Variants in CA10 observed in about 807,000 individuals in gnomAD.
The protein encoded by CA10 is carbonic anhydrase-related protein 10.
In CA10, 14 loss-of-function variants were observed where a neutral mutation model predicts 44.2. That is an observed-to-expected ratio of 0.32 (90% CI 0.21 to 0.50). CA10 has a LOEUF of 0.50. CA10 is among the 20% of genes least tolerant of loss of function. CA10 has a pLI of 0.99. For synonymous variants in CA10, 159 were observed against 141.6 expected (o/e 1.12, Z -0.87); for missense variants, 350 against 409.7 (o/e 0.85, Z 1.26).
chr17:51,972,184 G>A (rs1012296751), intron 2 of CA10, among the ~76,000 whole-genome samples: 2 of 152,070 alleles, frequency 1.3e-5, no homozygotes, highest in South Asian at 2.1e-4. Context: ...GAAGAAATGT[G>A]AGATTACTCA....
chr17:52,107,723 A>G (rs1179125004), intron 1 of CA10, among the ~76,000 whole-genome samples: 1 of 152,226 alleles, frequency 6.6e-6, no homozygotes, highest in African/African-American at 2.4e-5. Context: ...ACTTCCCTCC[A>G]CAAAGCAGAT....
intron 4 of CA10, among the ~76,000 whole-genome samples, chr17:51,696,170 T>C (rs139988603): frequency 1.3e-5 from 2 of 152,326 alleles, no homozygotes; most frequent in East Asian, 3.9e-4. Flanking sequence ...GTCAGGGTGA[T>C]GCTGGCTTTG....
At chr17:52,064,440 G>A (rs1203079572) in intron 2 of CA10, among the ~76,000 whole-genome samples, 1 of 152,160 alleles carries the variant, frequency 6.6e-6, no homozygotes, top group African/African-American at 2.4e-5. Context: ...AAGGAATGAA[G>A]AGCATGCACA....
intron 3 of CA10, among the ~76,000 whole-genome samples, chr17:51,816,068 C>T (rs943039134): frequency 6.6e-6 from 1 of 152,112 alleles, no homozygotes; most frequent in Admixed American, 6.6e-5. Context: ...CCACCTCCCC[C>T]CGGCCCCCTG....
intron 1 of CA10, among the ~76,000 whole-genome samples, chr17:52,086,679 TA>T (rs1988125146): frequency 6.6e-6 from 1 of 152,304 alleles, no homozygotes; most frequent in Non-Finnish European, 1.5e-5. Flanking sequence ...TCCACTCCCT[TA>T]AAATGGACCA....
chr17:52,105,348 G>A (rs887347711), intron 1 of CA10, among the ~76,000 whole-genome samples: 8 of 151,688 alleles, frequency 5.3e-5, no homozygotes, highest in African/African-American at 1.2e-4. Context: ...TCCGCCTCCC[G>A]GGTTCACACA....
intron 1 of CA10, among the ~76,000 whole-genome samples, chr17:52,141,054 A>G (rs542349100): frequency 6.6e-6 from 1 of 152,224 alleles, no homozygotes; most frequent in East Asian, 1.9e-4. Flanking sequence ...CATTCCCCAA[A>G]GAGAAGGGTT....
intron 1 of CA10, among the ~76,000 whole-genome samples, chr17:52,117,565 T>C (rs1567738811): frequency 6.6e-6 from 1 of 152,234 alleles, no homozygotes; most frequent in Non-Finnish European, 1.5e-5. Context: ...GTGTGTGATG[T>C]CTATAAAAAA....
At chr17:52,092,065 CT>C (rs1988281163) in intron 1 of CA10, among the ~76,000 whole-genome samples, 2 of 152,256 alleles carry the variant, frequency 1.3e-5, no homozygotes, top group Admixed American at 1.3e-4. Context: ...TTCTCTTTCT[CT>C]TTCTCCGCCT....
chr17:51,694,660 C>A (rs188766920), intron 4 of CA10, among the ~76,000 whole-genome samples: 1 of 152,066 alleles, frequency 6.6e-6, no homozygotes, highest in Admixed American at 6.6e-5. Flanking sequence ...TAGTTTAATT[C>A]GGTCCCACTT....
At chr17:51,788,981 G>A (rs1360790964) in intron 3 of CA10, among the ~76,000 whole-genome samples, 1 of 152,108 alleles carries the variant, frequency 6.6e-6, no homozygotes, top group Admixed American at 6.6e-5. Flanking sequence ...TATAGTGTTT[G>A]TCATACAATT....
At chr17:51,694,172 C>T (rs1468314675) in intron 4 of CA10, among the ~76,000 whole-genome samples, 1 of 151,768 alleles carries the variant, frequency 6.6e-6, no homozygotes, top group Admixed American at 6.6e-5. Flanking sequence ...CCATTGCACT[C>T]CAGCCTGGGC....
At chr17:51,951,351 AGCAAAGCCTTG>A (rs1983474320) in intron 2 of CA10, among the ~76,000 whole-genome samples, 1 of 152,156 alleles carries the variant, frequency 6.6e-6, no homozygotes, top group Non-Finnish European at 1.5e-5. Context: ...TGCCCAAGGA[AGCAAAGCCTTG>A]GCTCACTCAC....
At chr17:51,687,099 C>T (rs1471924750) in intron 4 of CA10, among the ~76,000 whole-genome samples, 1 of 152,182 alleles carries the variant, frequency 6.6e-6, no homozygotes, top group Non-Finnish European at 1.5e-5. Flanking sequence ...AGCTCATTGT[C>T]CTGACTTTTG....
chr17:52,077,817 T>C (rs1188428636), intron 1 of CA10, among the ~76,000 whole-genome samples: 2 of 152,180 alleles, frequency 1.3e-5, no homozygotes, highest in South Asian at 2.1e-4. Flanking sequence ...CCGATTTCCA[T>C]TGGGCTAAAC....
At chr17:52,028,184 A>G (rs1328028761) in intron 2 of CA10, among the ~76,000 whole-genome samples, 1 of 152,166 alleles carries the variant, frequency 6.6e-6, no homozygotes, top group African/African-American at 2.4e-5. Context: ...GATGTTATTA[A>G]CAAAATGCAG....
At chr17:51,847,604 A>G (rs1978552522) in intron 3 of CA10, among the ~76,000 whole-genome samples, 1 of 152,212 alleles carries the variant, frequency 6.6e-6, no homozygotes, top group Non-Finnish European at 1.5e-5. Context: ...GCACCTTACA[A>G]TTGCTGTCAT....
chr17:51,854,478 G>A (rs1327261367), intron 3 of CA10, among the ~76,000 whole-genome samples: 1 of 152,214 alleles, frequency 6.6e-6, no homozygotes, highest in African/African-American at 2.4e-5. Context: ...AGTGGCATGA[G>A]TAGTTTTCAG....
chr17:51,848,968 C>T (rs1978618377), intron 3 of CA10, among the ~76,000 whole-genome samples: 1 of 151,492 alleles, frequency 6.6e-6, no homozygotes, highest in Non-Finnish European at 1.5e-5. Context: ...ACTTCTTGAG[C>T]CCAGGAGGCC....
Sources: allele counts gnomAD v4.1 joint callset (sites outside exome capture counted in the v4.1 genomes callset), GRCh38; gene constraint gnomAD v4.1.1; transcripts MANE v1.5; gene names NCBI Gene and HGNC (gene_info 2026-07-23, HGNC 2026-07-21).